SCHIP1: variants seen among roughly 807,000 people sequenced by gnomAD.
The protein encoded by SCHIP1 is schwannomin interacting protein 1.
SCHIP1 carries 8 observed loss-of-function variants against 29.7 expected under a neutral mutation model. That is an observed-to-expected ratio of 0.27 (90% CI 0.16 to 0.49). The LOEUF (loss-of-function observed/expected upper bound fraction) is 0.49. SCHIP1 is among the 20% of genes least tolerant of loss of function. The pLI is 0.99. For missense variants in SCHIP1, 193 were observed against 294.6 expected (o/e 0.66, Z 2.52); for synonymous variants, 76 against 94.9 (o/e 0.80, Z 1.16).
chr3:159,611,052 AG>A, the SCHIP1 span, among the ~76,000 whole-genome samples: 2 of 152,166 alleles, frequency 1.3e-5, no homozygotes, highest in African/African-American at 2.4e-5. Context: ...ATACAGAAGA[AG>A]AAATAGGTTC....
chr3:159,644,595 T>C, the SCHIP1 span, among the ~76,000 whole-genome samples: 6 of 152,112 alleles, frequency 3.9e-5, no homozygotes, highest in Non-Finnish European at 5.9e-5. Context: ...AAAATGCTCA[T>C]CTCACATTGA....
the SCHIP1 span, among the ~76,000 whole-genome samples, chr3:159,725,187 G>A: frequency 6.6e-6 from 1 of 151,868 alleles, no homozygotes; most frequent in Admixed American, 6.6e-5. Flanking sequence ...TTTCCATCTT[G>A]TATCTCTGCC....
At chr3:159,452,134 CTTCT>C in the SCHIP1 span, among the ~76,000 whole-genome samples, 3 of 145,384 alleles carry the variant, frequency 2.1e-5, no homozygotes, top group Non-Finnish European at 3.0e-5. Context: ...CAAAACATTT[CTTCT>C]TTTTTTTTTT....
At chr3:159,604,557 G>A in the SCHIP1 span, among the ~76,000 whole-genome samples, 1 of 152,220 alleles carries the variant, frequency 6.6e-6, no homozygotes, top group East Asian at 1.9e-4. Flanking sequence ...GATGACAGTG[G>A]CCTGCCCCAG....
the SCHIP1 span, among the ~76,000 whole-genome samples, chr3:159,555,609 T>C: frequency 1.3e-5 from 2 of 152,314 alleles, no homozygotes; most frequent in Non-Finnish European, 2.9e-5. Flanking sequence ...CATGTATGAA[T>C]ATACTGGGAG....
the SCHIP1 span, among the ~76,000 whole-genome samples, chr3:159,371,092 G>C: frequency 1.3e-5 from 2 of 152,148 alleles, no homozygotes. Context: ...CTCCACAAGG[G>C]CAGGGATTTT....
the SCHIP1 span, among the ~76,000 whole-genome samples, chr3:159,583,439 G>A: frequency 2.0e-5 from 3 of 152,018 alleles, no homozygotes; most frequent in Non-Finnish European, 1.5e-5. Context: ...TAAAAGAAAC[G>A]CTCCACTATT....
At chr3:159,626,133 G>T in the SCHIP1 span, among the ~76,000 whole-genome samples, 789 of 104,522 alleles carry the variant, frequency 7.5e-3, 25 homozygotes, top group African/African-American at 0.045. Flanking sequence ...TAGATAGATA[G>T]ATAGATATAT....
At chr3:159,516,390 T>G in the SCHIP1 span, among the ~76,000 whole-genome samples, 1 of 152,154 alleles carries the variant, frequency 6.6e-6, no homozygotes, top group Admixed American at 6.5e-5. Flanking sequence ...TCAGTGTACT[T>G]TGACTCCTCG....
chr3:159,878,367 A>G (rs888847323), intron 2 of SCHIP1, among the ~76,000 whole-genome samples: 7 of 152,058 alleles, frequency 4.6e-5, no homozygotes, highest in African/African-American at 1.7e-4. Flanking sequence ...TTGTAGTCCA[A>G]GCTACTCGGG....
the SCHIP1 span, among the ~76,000 whole-genome samples, chr3:159,350,257 C>T: frequency 1.1e-4 from 16 of 152,154 alleles, no homozygotes; most frequent in African/African-American, 2.9e-4. Flanking sequence ...GTTAAAAACC[C>T]GGCTCCTTTT....
intron 2 of SCHIP1, among the ~76,000 whole-genome samples, chr3:159,883,995 T>C (rs936965268): frequency 1.3e-5 from 2 of 152,222 alleles, no homozygotes; most frequent in African/African-American, 4.8e-5. Flanking sequence ...TATCTGGACA[T>C]TGTAAACTTT....
At chr3:159,296,935 C>T in the SCHIP1 span, among the ~76,000 whole-genome samples, 3 of 152,088 alleles carry the variant, frequency 2.0e-5, no homozygotes, top group Non-Finnish European at 4.4e-5. Context: ...TCCTTCACTC[C>T]CTAGGCCCTG....
chr3:159,570,564 G>A, the SCHIP1 span, among the ~76,000 whole-genome samples: 2 of 152,192 alleles, frequency 1.3e-5, no homozygotes, highest in Non-Finnish European at 2.9e-5. Flanking sequence ...AGTATAGTTT[G>A]AAGTCAGGTA....
At chr3:159,581,475 C>T in the SCHIP1 span, among the ~76,000 whole-genome samples, 2 of 152,230 alleles carry the variant, frequency 1.3e-5, no homozygotes, top group East Asian at 1.9e-4. Flanking sequence ...CCCACCCGCG[C>T]CAGCAAAGAC....
At chr3:159,570,518 A>T in the SCHIP1 span, among the ~76,000 whole-genome samples, 2 of 152,134 alleles carry the variant, frequency 1.3e-5, no homozygotes, top group Non-Finnish European at 2.9e-5. Context: ...CTGTTTTGGT[A>T]CCAGTGCCAT....
the SCHIP1 span, among the ~76,000 whole-genome samples, chr3:159,702,729 C>T: frequency 1.3e-5 from 2 of 152,320 alleles, no homozygotes; most frequent in East Asian, 1.9e-4. Flanking sequence ...ATGAGTGAAG[C>T]ATTTGAAACA....
the SCHIP1 span, among the ~76,000 whole-genome samples, chr3:159,503,419 G>A: frequency 6.6e-6 from 1 of 152,124 alleles, no homozygotes; most frequent in Non-Finnish European, 1.5e-5. Flanking sequence ...GCAGTGGAAG[G>A]AAATATTGCT....
At chr3:159,709,642 C>T in the SCHIP1 span, among the ~76,000 whole-genome samples, 1 of 152,184 alleles carries the variant, frequency 6.6e-6, no homozygotes, top group African/African-American at 2.4e-5. Flanking sequence ...CACTCTTTGA[C>T]TTGACCATAT....
Sources: allele counts gnomAD v4.1 joint callset (sites outside exome capture counted in the v4.1 genomes callset), GRCh38; gene constraint gnomAD v4.1.1; transcripts MANE v1.5; gene names NCBI Gene and HGNC (gene_info 2026-07-23, HGNC 2026-07-21).